The following DIS3L2 variants were observed in gnomAD, a reference collection of about 807,000 sequenced individuals.
The protein encoded by DIS3L2 is DIS3 like 3'-5' exoribonuclease 2.
A neutral mutation model predicts 97.5 loss-of-function variants in DIS3L2; 34 were observed. That is an observed-to-expected ratio of 0.35 (90% CI 0.27 to 0.46). DIS3L2 has a LOEUF of 0.46. DIS3L2 is among the 20% of genes least tolerant of loss of function. DIS3L2 has a pLI of 1.00. For missense variants in DIS3L2, 1,038 were observed against 1,146.0 expected, an observed-to-expected ratio of 0.91 and a Z score of 1.36; for synonymous variants, 435 against 445.2, an observed-to-expected ratio of 0.98 and a Z score of 0.29.
chr2:232,163,774 C>A lies in DIS3L2; in HGVS notation c.1124+142C>A, dbSNP rs563002542. On this transcript the variant is annotated intron_variant, in intron 9 of 20. Coordinates refer to ENST00000325385, the MANE Select transcript of DIS3L2 (RefSeq NM_152383.5). ...ATAGGTGCTTCTGTACCACAGTTGG[C>A]AAATTATGGCCCACAGGCTAAATCT... 363 of 869,698 alleles carry A rather than the reference C, an allele frequency of 4.2e-4. 1 individual carries two copies. The African/African-American group carries it at 5.9e-3, about 14-fold the overall frequency. 53.9% of individuals were successfully genotyped at this position (869,698 alleles called of 1,614,324 possible).
At chr2:232,052,069 G>A (rs1695425096) in intron 5 of DIS3L2, among the ~76,000 whole-genome samples, 1 of 151,236 alleles carries the variant, frequency 6.6e-6, no homozygotes, top group South Asian at 2.1e-4. Flanking sequence ...TGTCACCCAG[G>A]CTGGAGTGCA....
intron 8 of DIS3L2, among the ~76,000 whole-genome samples, chr2:232,158,769 C>G (rs1199608880): frequency 1.3e-5 from 2 of 150,334 alleles, no homozygotes; most frequent in Admixed American, 6.6e-5. Context: ...GGAAACAGAA[C>G]CTCAGGGACC....
intron 10 of DIS3L2, among the ~76,000 whole-genome samples, chr2:232,235,099 T>C (rs1276155140): frequency 2.0e-5 from 3 of 152,218 alleles, no homozygotes; most frequent in Non-Finnish European, 4.4e-5. Context: ...GTGTTTGTAC[T>C]CATCTAAGTT....
chr2:232,342,202 C>CATATATACACAT (rs1483501145), intron 13 of DIS3L2, among the ~76,000 whole-genome samples: 1 of 115,330 alleles, frequency 8.7e-6, no homozygotes, highest in Admixed American at 8.4e-5. Context: ...TATACACATA[C>CATATATACACAT]ATATATACAC....
intron 14 of DIS3L2, among the ~76,000 whole-genome samples, chr2:232,315,983 G>A (rs1695263151): frequency 6.6e-6 from 1 of 152,182 alleles, no homozygotes; most frequent in African/African-American, 2.4e-5. Context: ...TACCAGTAGG[G>A]GGTAGGTGCC....
intron 8 of DIS3L2, among the ~76,000 whole-genome samples, chr2:232,138,361 G>T (rs1180912783): frequency 1.3e-5 from 2 of 152,008 alleles, no homozygotes; most frequent in Non-Finnish European, 2.9e-5. Flanking sequence ...AATAAAAAAT[G>T]AAGATAATCA....
chr2:231,970,387 A>G (rs1037645488), intron 1 of DIS3L2, among the ~76,000 whole-genome samples: 1 of 152,230 alleles, frequency 6.6e-6, no homozygotes, highest in African/African-American at 2.4e-5. Flanking sequence ...TACTTTCACA[A>G]ATCTAGATGT....
intron 14 of DIS3L2, 28 bp from the exon 15 acceptor site, chr2:232,329,785 T>TCCCCGGGGGGGCCCCCCCCCC: frequency 4.1e-6 from 4 of 967,144 alleles, no homozygotes; most frequent in East Asian, 3.1e-5. Context: ...ACCCCAGCGG[T>TCCCCGGGGGGGCCCCCCCCCC]CCCTCCCATC....
At chr2:232,107,349 T>A (rs1697383094) in intron 6 of DIS3L2, among the ~76,000 whole-genome samples, 1 of 152,024 alleles carries the variant, frequency 6.6e-6, no homozygotes, top group Non-Finnish European at 1.5e-5. Context: ...ATAAAATAGA[T>A]AGACCACCAG....
chr2:232,329,004 C>T (rs1373414877), intron 14 of DIS3L2: 1 of 152,420 alleles, frequency 6.6e-6, no homozygotes, highest in Non-Finnish European at 1.5e-5. Context: ...GGTCCCCGCT[C>T]CTTCAGTCTG....
intron 1 of DIS3L2, among the ~76,000 whole-genome samples, chr2:231,970,976 T>A (rs908181560): frequency 5.3e-5 from 8 of 152,182 alleles, no homozygotes; most frequent in Non-Finnish European, 8.8e-5. Context: ...ACACACACGT[T>A]AGCCTAGGCC....
intron 9 of DIS3L2, among the ~76,000 whole-genome samples, chr2:232,192,261 C>G (rs940378203): frequency 7.2e-5 from 11 of 152,056 alleles, no homozygotes; most frequent in Non-Finnish European, 1.6e-4. Context: ...TGAAACTTGT[C>G]CTTATTTTTC....
intron 10 of DIS3L2, among the ~76,000 whole-genome samples, chr2:232,227,735 T>C (rs1442032889): frequency 6.6e-6 from 1 of 152,226 alleles, no homozygotes; most frequent in East Asian, 1.9e-4. Flanking sequence ...GTCACCGGAA[T>C]ATAAAGCAGT....
At chr2:232,125,677 A>G (rs1374075395) in intron 6 of DIS3L2, among the ~76,000 whole-genome samples, 1 of 152,208 alleles carries the variant, frequency 6.6e-6, no homozygotes, top group East Asian at 1.9e-4. Flanking sequence ...AGGCCTAGGG[A>G]TTTTGTGAAG....
Position 232,332,166 on chromosome 2 carries a change from A to G in DIS3L2, c.2010+1390A>G, listed in dbSNP as rs552601763. On this transcript the variant is annotated intron_variant, in intron 16 of 20. Coordinates refer to ENST00000325385, the MANE Select transcript of DIS3L2 (RefSeq NM_152383.5). ...CAGCCAAGAGGGGCCAGGGCCCTTCATCAACCTCACCCAGGTCATCTGGGG... is the reference window on the plus strand; with the variant it reads ...CAGCCAAGAGGGGCCAGGGCCCTTCGTCAACCTCACCCAGGTCATCTGGGG... Among the ~76,000 whole-genome samples, 8 of 137,234 alleles carry G rather than the reference A, an allele frequency of 5.8e-5. No individual in the cohort carries two copies. The South Asian group carries it at 1.2e-3, about 20-fold the overall frequency. The allele number at this position is 137,234 out of a possible 152,430, so 90.0% of individuals were successfully genotyped here.
intron 1 of DIS3L2, among the ~76,000 whole-genome samples, chr2:232,006,326 G>A (rs1047744442): frequency 1.3e-4 from 20 of 152,348 alleles, no homozygotes; most frequent in Middle Eastern, 3.4e-3. Flanking sequence ...TACATACACC[G>A]TTGTAACAAC....
chr2:232,294,951 C>A (rs1439842459), intron 13 of DIS3L2, among the ~76,000 whole-genome samples: 1 of 152,160 alleles, frequency 6.6e-6, no homozygotes, highest in Non-Finnish European at 1.5e-5. Flanking sequence ...AGCCTCTTTC[C>A]CATTTATTTC....
In DIS3L2 at chr2:232,037,112, T is replaced by A. The variant is rs1224077041; in HGVS notation, c.366+7032T>A. Among the ~76,000 whole-genome samples the A allele has an allele frequency of 1.3e-5, 2 of 152,218 alleles. No individual in the cohort carries two copies. The highest frequency in any genetic ancestry group is 4.8e-5 in the African/African-American group (2 of 41,466). Reference sequence around the variant, plus strand: ...TTCAGAGCTGGCAGGCAGGAATGTTTAAGTCTGCTGAAGCTGCACCCACAT... The same window carrying A: ...TTCAGAGCTGGCAGGCAGGAATGTTAAAGTCTGCTGAAGCTGCACCCACAT... On this transcript the variant is annotated intron_variant, in intron 5 of 20. Coordinates refer to ENST00000325385, the MANE Select transcript of DIS3L2 (RefSeq NM_152383.5). This position sits in a 1 kb window ranked among gnomAD's most constrained non-coding sequence, Gnocchi z 4.6.
At chr2:232,285,437 T>TGA (rs1694400548) in intron 13 of DIS3L2, among the ~76,000 whole-genome samples, 1 of 152,244 alleles carries the variant, frequency 6.6e-6, no homozygotes, top group African/African-American at 2.4e-5. Flanking sequence ...AGCTCTCACC[T>TGA]GATTCTTCAG....
Sources: gnomAD v4.1 joint callset for allele counts (sites outside exome capture counted in the v4.1 genomes callset) on GRCh38, gnomAD v4.1.1 for gene constraint, Gnocchi (gnomAD v3.1) non-coding constraint, MANE v1.5 for transcripts, NCBI Gene and HGNC (gene_info 2026-07-23, HGNC 2026-07-21) for gene names.